Variants in MEAK7 observed in about 807,000 individuals in gnomAD.
The protein encoded by MEAK7 is MTOR-associated protein MEAK7.
MEAK7 carries 68 observed loss-of-function variants against 40.5 expected under a neutral mutation model. The observed-to-expected ratio is 1.68, with a 90% CI of 1.38 to 2.06. The LOEUF (loss-of-function observed/expected upper bound fraction) is 2.06, where lower values mean the gene tolerates loss of function less well. Among genes scored for constraint, MEAK7 ranks in the 30% most tolerant of loss-of-function variants. MEAK7 has a pLI of 0.00. For missense variants in MEAK7, 918 were observed against 580.5 expected, an observed-to-expected ratio of 1.58 and a Z score of -5.98; for synonymous variants, 338 against 231.9, an observed-to-expected ratio of 1.46 and a Z score of -4.16.
In MEAK7 at chr16:84,498,076, C is replaced by T. The variant is rs764425302; in HGVS notation, c.11G>A (p.Ser4Asn). 3 of 1,611,126 alleles carry T rather than the reference C, an allele frequency of 1.9e-6. No individual in the cohort carries two copies. Among genetic ancestry groups the T allele is most frequent in the South Asian group, 2.2e-5 (2 of 90,550 alleles). The change falls in exon 2 of 8, where the codon AGC (serine) becomes AAC (asparagine). Residue 4 changes from serine (S) to asparagine (N), a missense_variant. By Grantham distance (46) the Ser-to-Asn change is conservative. Transcript: ENST00000343629. ...AAAGCTCCGCCCCACACGGCTTCTG[C>T]TGTTCCCCATCTGTCCTGATATCTG... The part of the protein sequence containing the change: MGN[S>N]RSRVGRSFCS...
In MEAK7 at chr16:84,478,475, A is replaced by G. The variant is rs1221267130; in HGVS notation, c.*1438T>C. ...TTTACTATGGCTTATAATCAAGGCA[A>G]ACTATACAATAAGAGGTTGTATTTT... On this transcript the variant is annotated 3_prime_UTR_variant, in exon 8 of 8. Transcript: ENST00000343629. 1 of 152,276 alleles carries G rather than the reference A, an allele frequency of 6.6e-6. No homozygotes were observed. Among genetic ancestry groups the G allele is most frequent in the African/African-American group, 2.4e-5 (1 of 41,470 alleles). 9.4% of individuals were successfully genotyped at this position (152,276 alleles called of 1,614,324 possible).
At position 84,476,550 on chromosome 16, in the gene MEAK7, T is replaced by A. The variant is rs999974825; in HGVS notation, c.*3363A>T. ...AGACACCATCACAGCAAGGCACACATAAACGATATTCATGACAATGATTAG... is the reference window on the plus strand; with the variant it reads ...AGACACCATCACAGCAAGGCACACAAAAACGATATTCATGACAATGATTAG... On this transcript the variant is annotated 3_prime_UTR_variant, in exon 8 of 8. Coordinates refer to ENST00000343629, the MANE Select transcript of MEAK7 (RefSeq NM_020947.4). 6.6e-6 allele frequency: 1 copy of A among 152,068 alleles called. No individual in the cohort carries two copies. The highest frequency in any genetic ancestry group is 1.5e-5 in the Non-Finnish European group (1 of 68,010). The allele number at this position is 152,068 out of a possible 1,614,324, so 9.4% of individuals were successfully genotyped here.
intron 4 of MEAK7, 102 bp downstream of exon 4, chr16:84,489,176 C>A: frequency 7.1e-7 from 1 of 1,402,814 alleles, no homozygotes; most frequent in South Asian, 1.5e-5. Context: ...CGAGGGCTCA[C>A]GCATTCTGGT....
intron 2 of MEAK7, among the ~76,000 whole-genome samples, chr16:84,496,889 G>A (rs1914095063): frequency 6.6e-6 from 1 of 152,088 alleles, no homozygotes; most frequent in South Asian, 2.1e-4. Context: ...CCATTTGCAT[G>A]TCGGAATTTA....
chr16:84,481,794 C>T (rs543110384), intron 6 of MEAK7, among the ~76,000 whole-genome samples: 1 of 152,032 alleles, frequency 6.6e-6, no homozygotes, highest in Non-Finnish European at 1.5e-5. Flanking sequence ...ATTAGCCAGG[C>T]GTGATAGCGG....
rs1354134282 is a variant in MEAK7 at position 84,498,674 on chromosome 16, C to CTCAA, written c.-25-564_-25-563insTTGA. On this transcript the variant is annotated intron_variant, in intron 1 of 7. Coordinates refer to ENST00000343629, the MANE Select transcript of MEAK7 (RefSeq NM_020947.4). ...CCTACTGAAACACACCCATAATTGTCACAAAGTCTGGGTTTGAGAACATAG... is the reference window on the plus strand; with the variant it reads ...CCTACTGAAACACACCCATAATTGTCTCAAACAAAGTCTGGGTTTGAGAACATAG... 2.6e-5 allele frequency among the ~76,000 whole-genome samples: 4 copies of CTCAA among 152,222 alleles called. No homozygotes were observed. The East Asian group carries it at 7.7e-4, about 29-fold the overall frequency.
At chr16:84,497,821 C>A in intron 2 of MEAK7, 113 bp downstream of exon 2, 1 of 1,496,894 alleles carries the variant, frequency 6.7e-7, no homozygotes, top group Non-Finnish European at 9.2e-7. Flanking sequence ...ACCAACTTTT[C>A]AGTGTTGCCA....
At chr16:84,497,737 G>A (rs1212226354) in intron 2 of MEAK7, 197 bp downstream of exon 2, 20 of 1,338,610 alleles carry the variant, frequency 1.5e-5, no homozygotes, top group Admixed American at 6.0e-5. Context: ...AGTAACGGCA[G>A]AGCAGAGGAG....
At chr16:84,504,185 AG>A (rs1405966625) in intron 1 of MEAK7, 26 of 983,878 alleles carry the variant, frequency 2.6e-5, no homozygotes, top group Non-Finnish European at 3.0e-5. Flanking sequence ...GAATACAAGA[AG>A]GAAAACCCCC....
intron 3 of MEAK7, 126 bp downstream of exon 3, chr16:84,495,557 A>C: frequency 1.2e-6 from 1 of 847,716 alleles, no homozygotes; most frequent in Non-Finnish European, 1.9e-6. Flanking sequence ...AACTCCGATT[A>C]ATTGAAACCC....
intron 5 of MEAK7, 46 bp from the exon 6 acceptor site, chr16:84,482,756 C>T (rs762384504): frequency 7.5e-6 from 12 of 1,609,092 alleles, no homozygotes; most frequent in East Asian, 2.2e-5. Flanking sequence ...GTGTCTGAGC[C>T]GGTCCCACAG....
At chr16:84,499,613 A>G (rs1345190556) in intron 1 of MEAK7, among the ~76,000 whole-genome samples, 7 of 152,132 alleles carry the variant, frequency 4.6e-5, no homozygotes, top group African/African-American at 1.7e-4. Context: ...GATCCAAAAC[A>G]TGTTCATCAC....
chr16:84,480,918 A>G lies in MEAK7; in HGVS notation c.1078-210T>C, dbSNP rs191719941. ...TGCCAAGTTACTAGAACAGTCATCT[A>G]TGTCTCCAGACACCCACCCCATGGC... is the stretch of plus-strand genomic sequence containing the variant. On this transcript the variant is annotated intron_variant, in intron 6 of 7. Transcript: ENST00000343629. 3.9e-5 allele frequency among the ~76,000 whole-genome samples: 6 copies of G among 152,326 alleles called. No individual in the cohort carries two copies. The East Asian group carries it at 1.2e-3, about 29-fold the overall frequency.
chr16:84,491,080 A>C (rs1322297499), intron 3 of MEAK7, among the ~76,000 whole-genome samples: 2 of 152,340 alleles, frequency 1.3e-5, no homozygotes, highest in Non-Finnish European at 2.9e-5. Context: ...GATCAACAAA[A>C]ATATGAAGAA....
At chr16:84,483,531 T>C (rs1326957006) in intron 5 of MEAK7, among the ~76,000 whole-genome samples, 1 of 151,854 alleles carries the variant, frequency 6.6e-6, no homozygotes, top group Non-Finnish European at 1.5e-5. Context: ...ATTCATCAGG[T>C]GGGAAAGAAG....
chr16:84,482,792 C>T, intron 5 of MEAK7, 82 bp from the exon 6 acceptor site: 1 of 1,573,082 alleles, frequency 6.4e-7, no homozygotes, highest in Non-Finnish European at 8.6e-7. Context: ...TAAGCTGCAG[C>T]TCAGGAAGCA....
At position 84,498,095 on chromosome 16, in the gene MEAK7, A is replaced by G. The variant is rs757786129; in HGVS notation, c.-9T>C. On this transcript the variant is annotated 5_prime_UTR_variant, in exon 2 of 8. Coordinates refer to ENST00000343629, the MANE Select transcript of MEAK7 (RefSeq NM_020947.4). ...CTTCTGCTGTTCCCCATCTGTCCTG[A>G]TATCTGGCAGAATTCTCTGCAGAAG... 3 of 1,576,984 alleles carry G rather than the reference A, an allele frequency of 1.9e-6. No individual in the cohort carries two copies. Among genetic ancestry groups the G allele is most frequent in the Non-Finnish European group, 2.6e-6 (3 of 1,163,480 alleles).
Position 84,479,665 on chromosome 16 carries a change from G to C in MEAK7, c.*248C>G, listed in dbSNP as rs1912337694. Reference sequence around the variant, plus strand: ...TACTAATTTGACACAAGATTTCTTGGAGAGATCCTGAGGGTGACCCTGTAG... The same window carrying C: ...TACTAATTTGACACAAGATTTCTTGCAGAGATCCTGAGGGTGACCCTGTAG... On this transcript the variant is annotated 3_prime_UTR_variant, in exon 8 of 8. Coordinates refer to ENST00000343629, the MANE Select transcript of MEAK7 (RefSeq NM_020947.4). 1 of 367,816 alleles carries C rather than the reference G, an allele frequency of 2.7e-6. No individual in the cohort carries two copies. Among genetic ancestry groups the C allele is most frequent in the East Asian group, 4.0e-5 (1 of 25,256 alleles). 22.8% of individuals were successfully genotyped at this position (367,816 alleles called of 1,614,324 possible).
intron 5 of MEAK7, among the ~76,000 whole-genome samples, 195 bp from the exon 6 acceptor site, chr16:84,482,905 G>C (rs1161383439): frequency 6.6e-6 from 1 of 152,218 alleles, no homozygotes; most frequent in Non-Finnish European, 1.5e-5. Flanking sequence ...GCAGGGATTA[G>C]AGGGACAGCT....
Sources: allele counts gnomAD v4.1 joint callset (sites outside exome capture counted in the v4.1 genomes callset), GRCh38; gene constraint gnomAD v4.1.1; transcripts MANE v1.5; gene names NCBI Gene and HGNC (gene_info 2026-07-23, HGNC 2026-07-21).